Variants in SLC35D4 observed in about 807,000 individuals in gnomAD.
The protein encoded by SLC35D4 is solute carrier family 35 member D4.
chr18:23,318,767 A>G, the SLC35D4 span, among the ~76,000 whole-genome samples: 12 of 152,198 alleles, frequency 7.9e-5, no homozygotes, highest in African/African-American at 2.9e-4. Flanking sequence ...ACATTTGAGG[A>G]TTAGATCTAA....
At chr18:23,345,224 C>T in the SLC35D4 span, among the ~76,000 whole-genome samples, 36 of 151,964 alleles carry the variant, frequency 2.4e-4, no homozygotes, top group Non-Finnish European at 4.9e-4. Flanking sequence ...TGGCTCACGC[C>T]TGTAATCTCA....
chr18:23,419,314 C>T, the SLC35D4 span, among the ~76,000 whole-genome samples: 18 of 151,248 alleles, frequency 1.2e-4, no homozygotes, highest in South Asian at 4.2e-4. Context: ...TTTTTTGAGA[C>T]GGAGTTTCGC....
the SLC35D4 span, among the ~76,000 whole-genome samples, chr18:23,411,479 G>GAGTAGAAAGAAAGAA: frequency 1.4e-5 from 1 of 72,778 alleles, no homozygotes. Context: ...AAGAAAGAAA[G>GAGTAGAAAGAAAGAA]AGATAGAAAG....
the SLC35D4 span, among the ~76,000 whole-genome samples, chr18:23,335,165 A>G: frequency 6.6e-6 from 1 of 152,206 alleles, no homozygotes; most frequent in African/African-American, 2.4e-5. Flanking sequence ...AAGTCTGAGG[A>G]GGCATCCGGG....
the SLC35D4 span, among the ~76,000 whole-genome samples, chr18:23,241,106 C>A: frequency 6.6e-6 from 1 of 152,218 alleles, no homozygotes; most frequent in Non-Finnish European, 1.5e-5. Flanking sequence ...ATTAGTTTTA[C>A]CTATTCTGAA....
chr18:23,334,682 A>G, the SLC35D4 span, among the ~76,000 whole-genome samples: 7,343 of 152,196 alleles, frequency 0.048, 484 homozygotes, highest in Admixed American at 0.18. Context: ...GGTTAGCGCA[A>G]AGTGCCACCA....
At chr18:23,308,848 T>TTCTC in the SLC35D4 span, among the ~76,000 whole-genome samples, 910 of 140,228 alleles carry the variant, frequency 6.5e-3, 5 homozygotes, top group Middle Eastern at 0.011. Context: ...AGCACGTGTT[T>TTCTC]TCTCTCTCTC....
At chr18:23,432,555 C>T in the SLC35D4 span, among the ~76,000 whole-genome samples, 3 of 151,840 alleles carry the variant, frequency 2.0e-5, no homozygotes, top group South Asian at 4.2e-4. Context: ...GTGGTATGCG[C>T]CTGTAACCCC....
At chr18:23,267,046 C>T in the SLC35D4 span, among the ~76,000 whole-genome samples, 3,893 of 152,308 alleles carry the variant, frequency 0.026, 178 homozygotes, top group African/African-American at 0.089. Context: ...CACACTCTGC[C>T]CTAAACCGCA....
chr18:23,277,426 G>GT, the SLC35D4 span, among the ~76,000 whole-genome samples: 3 of 152,190 alleles, frequency 2.0e-5, no homozygotes, highest in East Asian at 5.8e-4. Context: ...ATGTGGAACT[G>GT]TAAGTCCAAT....
the SLC35D4 span, among the ~76,000 whole-genome samples, chr18:23,413,036 T>G: frequency 6.6e-6 from 1 of 152,194 alleles, no homozygotes. Context: ...AAGTTCTTTT[T>G]TTTTGTTTTG....
At chr18:23,313,560 T>C in the SLC35D4 span, among the ~76,000 whole-genome samples, 1 of 152,104 alleles carries the variant, frequency 6.6e-6, no homozygotes, top group South Asian at 2.1e-4. Flanking sequence ...CACACAGGTG[T>C]GAAATCTACC....
the SLC35D4 span, among the ~76,000 whole-genome samples, chr18:23,248,554 G>T: frequency 7.8e-6 from 1 of 128,746 alleles, no homozygotes; most frequent in African/African-American, 2.8e-5. Flanking sequence ...AAGGCTGGAC[G>T]TGGTGGCTCA....
the SLC35D4 span, among the ~76,000 whole-genome samples, chr18:23,410,512 TG>T: frequency 5.4e-5 from 8 of 147,454 alleles, no homozygotes; most frequent in African/African-American, 2.0e-4. Context: ...AGTTCGTAAC[TG>T]GGGGCTGGGG....
At chr18:23,259,343 C>CA in the SLC35D4 span, 6 of 152,102 alleles carry the variant, frequency 3.9e-5, no homozygotes, top group Non-Finnish European at 5.9e-5. Flanking sequence ...GGGGGAGGGA[C>CA]GTCCGATGGA....
chr18:23,313,134 A>AAAG, the SLC35D4 span, among the ~76,000 whole-genome samples: 1 of 132,198 alleles, frequency 7.6e-6, no homozygotes, highest in Non-Finnish European at 1.6e-5. Flanking sequence ...CTCAAAAAAA[A>AAAG]AAAAAAAAAA....
chr18:23,354,626 C>A, the SLC35D4 span, among the ~76,000 whole-genome samples: 1 of 152,124 alleles, frequency 6.6e-6, no homozygotes, highest in African/African-American at 2.4e-5. Context: ...CACCTCTGCA[C>A]CCAAGGAAGT....
At chr18:23,344,397 G>A in the SLC35D4 span, among the ~76,000 whole-genome samples, 1 of 152,096 alleles carries the variant, frequency 6.6e-6, no homozygotes, top group Non-Finnish European at 1.5e-5. Flanking sequence ...GGTTTGAATG[G>A]TAATTCTGTT....
chr18:23,351,971 C>G, the SLC35D4 span, among the ~76,000 whole-genome samples: 97 of 152,268 alleles, frequency 6.4e-4, no homozygotes, highest in African/African-American at 2.3e-3. Context: ...AAATAAGGAG[C>G]CTATCCATGA....
Sources: gnomAD v4.1 joint callset for allele counts (sites outside exome capture counted in the v4.1 genomes callset) on GRCh38, gnomAD v4.1.1 for gene constraint, MANE v1.5 for transcripts, NCBI Gene and HGNC (gene_info 2026-07-23, HGNC 2026-07-21) for gene names.